SNX9: variants seen among roughly 807,000 people sequenced by gnomAD.
The protein encoded by SNX9 is sorting nexin 9, also known as sorting nexin-9.
A neutral mutation model predicts 89.4 loss-of-function variants in SNX9; 44 were observed. The ratio of observed to expected loss-of-function variants is 0.49; its 90% confidence interval spans 0.39 to 0.63. The LOEUF is 0.63. SNX9 is among the 30% of genes least tolerant of loss of function. The pLI, the probability that SNX9 is intolerant of heterozygous loss-of-function variation, is 0.00. For synonymous variants in SNX9, 236 were observed against 247.8 expected, an observed-to-expected ratio of 0.95 and a Z score of 0.45; for missense variants, 578 against 736.1, an observed-to-expected ratio of 0.79 and a Z score of 2.49.
intron 1 of SNX9, among the ~76,000 whole-genome samples, chr6:157,833,607 T>C (rs1781515992): frequency 6.6e-6 from 1 of 152,170 alleles, no homozygotes; most frequent in Admixed American, 6.5e-5. Context: ...GTGTTACAAA[T>C]TGCTGTTTCA....
intron 6 of SNX9, among the ~76,000 whole-genome samples, chr6:157,905,527 G>A (rs962095949): frequency 3.3e-5 from 5 of 152,016 alleles, no homozygotes; most frequent in African/African-American, 1.2e-4. Context: ...TGAGTCTTAA[G>A]TGACCTCCCC....
rs755195875 is a variant in SNX9, at chr6:157,938,640, T to C, written c.1541T>C (p.Ile514Thr). The change falls in exon 16 of 18, where the codon ATA (isoleucine) becomes ACA (threonine). Residue 514 changes from isoleucine to threonine, a missense_variant. By Grantham distance (89) the Ile-to-Thr change is moderately conservative (BLOSUM62 -1). Transcript: ENST00000392185. ...GCATTTTATATTTCACAGGGAGCAATAGAAAAAGTGAAAGAAAGTGACAAA... is the reference window on the plus strand; with the variant it reads ...GCATTTTATATTTCACAGGGAGCAACAGAAAAAGTGAAAGAAAGTGACAAA... ...PDIIGTHKGA[I>T]EKVKESDKLV... is the part of the protein sequence containing the mutation. 2.0e-5 allele frequency: 33 copies of C among 1,610,140 alleles called. No individual in the cohort carries two copies. The highest frequency in any genetic ancestry group is 2.6e-5 in the Non-Finnish European group (31 of 1,176,864).
chr6:157,905,376 AAG>A (rs1334819375), intron 6 of SNX9, among the ~76,000 whole-genome samples: 1 of 152,202 alleles, frequency 6.6e-6, no homozygotes, highest in Non-Finnish European at 1.5e-5. Flanking sequence ...TGTTTACTAA[AAG>A]AAAAATTCTA....
intron 13 of SNX9, chr6:157,934,079 T>G (rs1156301294): frequency 6.6e-6 from 1 of 152,220 alleles, no homozygotes; most frequent in African/African-American, 2.4e-5. Flanking sequence ...TGTTGGCGTC[T>G]TAGAGCAGTG....
chr6:157,885,870 C>T (rs1048183887), intron 4 of SNX9, among the ~76,000 whole-genome samples: 3 of 152,172 alleles, frequency 2.0e-5, no homozygotes, highest in Non-Finnish European at 2.9e-5. Flanking sequence ...AATTAGGTGG[C>T]CCATAAGAGC....
chr6:157,928,571 T>C, intron 11 of SNX9, 28 bp from the exon 12 acceptor site: 2 of 1,567,622 alleles, frequency 1.3e-6, no homozygotes, highest in Admixed American at 1.8e-5. Flanking sequence ...CTCCTGCTTA[T>C]GTGACTGACG....
At chr6:157,931,791 A>G (rs1273762066) in intron 12 of SNX9, among the ~76,000 whole-genome samples, 2 of 152,226 alleles carry the variant, frequency 1.3e-5, no homozygotes, top group Non-Finnish European at 1.5e-5. Context: ...GACCTTGGGC[A>G]AGTCAGTTAT....
In SNX9 at chr6:157,942,796, A is replaced by G; in HGVS notation, c.1746A>G (p.Ala582=). The G allele has an allele frequency of 6.2e-7, 1 of 1,614,094 alleles. No homozygotes were observed. The highest frequency in any genetic ancestry group is 8.5e-7 in the Non-Finnish European group (1 of 1,179,972). Residue 582 remains alanine, a synonymous_variant, in exon 18 of 18, where the codon GCA becomes GCG. Transcript: ENST00000392185. ...TTGTTTTGCTTTCTTGTCAGATTGC[A>G]GAAAAGCTGAGGCAGGCCCTCAGCC... ...EQQVQFYETI[A]EKLRQALSRF...
rs779412117 is a variant in SNX9, at chr6:157,932,179, C to G, written c.1289-16C>G. The G allele has an allele frequency of 6.2e-7, 1 of 1,611,376 alleles. No homozygotes were observed. Among genetic ancestry groups the G allele is most frequent in the Non-Finnish European group, 8.5e-7 (1 of 1,177,474 alleles). Reference sequence around the variant, plus strand: ...TTGCTCAGAAGACTAATCGTTTATTCCTTTTTGTCTTTCAGCATTACCCAA... The same window carrying G: ...TTGCTCAGAAGACTAATCGTTTATTGCTTTTTGTCTTTCAGCATTACCCAA... On this transcript the variant is annotated splice_polypyrimidine_tract_variant and intron_variant, in intron 12 of 17. Coordinates refer to ENST00000392185, the MANE Select transcript of SNX9 (RefSeq NM_016224.5).
At chr6:157,939,797 A>G (rs1783997977) in intron 16 of SNX9, among the ~76,000 whole-genome samples, 2 of 152,240 alleles carry the variant, frequency 1.3e-5, no homozygotes, top group South Asian at 4.1e-4. Context: ...AGCTTTGTAT[A>G]ACTTCAAGTA....
At chr6:157,855,384 T>G (rs996269948) in intron 1 of SNX9, among the ~76,000 whole-genome samples, 1 of 152,240 alleles carries the variant, frequency 6.6e-6, no homozygotes, top group Admixed American at 6.5e-5. Flanking sequence ...TTTGCAAAAG[T>G]CTATTTCTAG....
chr6:157,826,245 T>C (rs139079583), intron 1 of SNX9, among the ~76,000 whole-genome samples: 74 of 152,234 alleles, frequency 4.9e-4, no homozygotes, highest in African/African-American at 8.2e-4. Context: ...ACGCCTGTAA[T>C]CCTAGCACTT....
chr6:157,880,659 A>T (rs1359865711), intron 4 of SNX9, among the ~76,000 whole-genome samples: 1 of 152,212 alleles, frequency 6.6e-6, no homozygotes, highest in African/African-American at 2.4e-5. Context: ...AGCCACAGTT[A>T]TTGAGAGGCG....
chr6:157,875,994 TA>T (rs898301602), intron 4 of SNX9, among the ~76,000 whole-genome samples: 7 of 149,780 alleles, frequency 4.7e-5, no homozygotes, highest in African/African-American at 1.2e-4. Context: ...AAAAAAAAGT[TA>T]AAAAAAAAGA....
intron 1 of SNX9, among the ~76,000 whole-genome samples, chr6:157,846,096 C>G (rs183430783): frequency 6.6e-6 from 1 of 152,218 alleles, no homozygotes; most frequent in South Asian, 2.1e-4. Context: ...AGATTGTCTT[C>G]GGCTTCTCTG....
At position 157,944,528 on chromosome 6, in the gene SNX9, T is replaced by C. The variant is rs1003997921; in HGVS notation, c.*1690T>C. 2 of 152,640 alleles carry C rather than the reference T, an allele frequency of 1.3e-5. No homozygotes were observed. The highest frequency in any genetic ancestry group is 2.9e-5 in the Non-Finnish European group (2 of 68,052). 9.5% of individuals were successfully genotyped at this position (152,640 alleles called of 1,614,324 possible). ...GTACAGTAAATTCTCAAAGCACTTT[T>C]TCAAAACACTTTTTGGACTTTGTGT... On this transcript the variant is annotated 3_prime_UTR_variant, in exon 18 of 18. Coordinates refer to ENST00000392185, the MANE Select transcript of SNX9 (RefSeq NM_016224.5).
intron 9 of SNX9, among the ~76,000 whole-genome samples, chr6:157,920,644 ATTTGGTTG>A (rs1018220387): frequency 1.3e-5 from 2 of 152,078 alleles, no homozygotes; most frequent in African/African-American, 4.8e-5. Flanking sequence ...TAGAGCACTC[ATTTGGTTG>A]TTTTTATTAC....
chr6:157,944,454 T>C lies in SNX9; in HGVS notation c.*1616T>C, dbSNP rs1041477984. 6.6e-6 allele frequency: 1 copy of C among 152,658 alleles called. No individual in the cohort carries two copies. Among genetic ancestry groups the C allele is most frequent in the Non-Finnish European group, 1.5e-5 (1 of 68,044 alleles). The allele number at this position is 152,658 out of a possible 1,614,324, so 9.5% of individuals were successfully genotyped here. A position where few individuals can be genotyped will look rare whatever the true frequency, so the allele number is the denominator to read the frequency against. Reference sequence around the variant, plus strand: ...AATATGTATAAATGTTTTACACGAATGTAAGAGCATGTAGAAGCCAACATA... The same window carrying C: ...AATATGTATAAATGTTTTACACGAACGTAAGAGCATGTAGAAGCCAACATA... On this transcript the variant is annotated 3_prime_UTR_variant, in exon 18 of 18. Transcript: ENST00000392185.
intron 13 of SNX9, among the ~76,000 whole-genome samples, chr6:157,932,866 CAAAAAAAA>C (rs10545432): frequency 1.0e-4 from 4 of 39,202 alleles, no homozygotes; most frequent in African/African-American, 3.1e-4. Context: ...GACCCTGTCT[CAAAAAAAA>C]AAAAAAAAAA....
Sources: allele counts gnomAD v4.1 joint callset (sites outside exome capture counted in the v4.1 genomes callset), GRCh38; gene constraint gnomAD v4.1.1; transcripts MANE v1.5; gene names NCBI Gene and HGNC (gene_info 2026-07-23, HGNC 2026-07-21).